Variants in TTC7A observed in about 807,000 individuals in gnomAD.
TTC7A encodes the protein tetratricopeptide repeat domain 7A, also known as tetratricopeptide repeat protein 7A.
A neutral mutation model predicts 103.7 loss-of-function variants in TTC7A; 110 were observed. That is an observed-to-expected ratio of 1.06 (90% confidence interval 0.91 to 1.24). TTC7A has a LOEUF of 1.24. Among genes scored for constraint, TTC7A ranks in the 50% most tolerant of loss-of-function variants. The probability of loss-of-function intolerance (pLI) is 0.00; values close to 1 mark genes in which losing one functional copy is unlikely to be tolerated. For synonymous variants in TTC7A, 521 were observed against 467.9 expected, an observed-to-expected ratio of 1.11 and a Z score of -1.47; for missense variants, 1,340 against 1,116.3, an observed-to-expected ratio of 1.20 and a Z score of -2.86.
chr2:46,935,653 A>G (rs13409489), intron 2 of TTC7A, among the ~76,000 whole-genome samples: 5,408 of 152,228 alleles, frequency 0.036, 123 homozygotes, highest in Non-Finnish European at 0.053. Context: ...TCCAACTGAG[A>G]CCTCCTCAAC....
intron 16 of TTC7A, chr2:47,047,443 C>T: frequency 1.4e-6 from 1 of 710,890 alleles, no homozygotes; most frequent in Non-Finnish European, 2.4e-6. Context: ...CAGAAGGAGG[C>T]TCTGGGGTTG....
chr2:47,022,692 C>A (rs190478678), intron 12 of TTC7A, among the ~76,000 whole-genome samples: 3 of 152,146 alleles, frequency 2.0e-5, no homozygotes, highest in Non-Finnish European at 2.9e-5. Flanking sequence ...GTCACGGTGA[C>A]ATCGGGTATA....
Position 46,941,496 on chromosome 2 carries a change from G to T in TTC7A, c.-46G>T. On this transcript the variant is annotated 5_prime_UTR_variant, in exon 1 of 20. Transcript: ENST00000319190. This position sits in a 1 kb window ranked among gnomAD's most constrained non-coding sequence, Gnocchi z 4.2. ...CAGCCAGGACGCCGCCCCCGGCCGG[G>T]TCTCCACTTCTTGGCCGCACCTTCC... 6.5e-7 allele frequency: 1 copy of T among 1,538,516 alleles called. No homozygotes were observed. The highest frequency in any genetic ancestry group is 1.2e-5 in the South Asian group (1 of 82,752).
In TTC7A at chr2:46,956,820, CAT is replaced by C; in HGVS notation, c.349-18_349-17del. 6.2e-7 allele frequency: 1 copy of C among 1,613,614 alleles called. No homozygotes were observed. The highest frequency in any genetic ancestry group is 8.5e-7 in the Non-Finnish European group (1 of 1,179,558). On this transcript the variant is annotated splice_polypyrimidine_tract_variant and intron_variant, in intron 2 of 19. Transcript: ENST00000319190. ...GTAACTTTGGGGCAGGCGCTGGTAA[CAT>C]GTCCTTGTCATTTCAGCCACAGTAC...
At chr2:47,057,072 G>A (rs1292048941) in intron 18 of TTC7A, among the ~76,000 whole-genome samples, 2 of 152,216 alleles carry the variant, frequency 1.3e-5, no homozygotes, top group South Asian at 2.1e-4. Flanking sequence ...TGGATGCGGC[G>A]CCCCAGGGCT....
intron 3 of TTC7A, among the ~76,000 whole-genome samples, chr2:46,973,054 T>C (rs892496799): frequency 2.6e-5 from 4 of 151,050 alleles, no homozygotes; most frequent in African/African-American, 9.7e-5. Flanking sequence ...CTCTTTTTCC[T>C]AGTCATGGGC....
At chr2:47,054,189 G>A (rs1260149800) in intron 18 of TTC7A, 2 of 985,120 alleles carry the variant, frequency 2.0e-6, no homozygotes, top group Non-Finnish European at 2.4e-6. Flanking sequence ...GACCAGTTTG[G>A]GTGCATGTAG....
chr2:47,041,027 C>T (rs1429018802), intron 15 of TTC7A, among the ~76,000 whole-genome samples: 1 of 152,202 alleles, frequency 6.6e-6, no homozygotes, highest in Non-Finnish European at 1.5e-5. Flanking sequence ...CAGAGACTCT[C>T]CTCAGTGATA....
chr2:47,030,790 A>G (rs184620923), intron 15 of TTC7A, among the ~76,000 whole-genome samples: 136 of 152,220 alleles, frequency 8.9e-4, no homozygotes, highest in African/African-American at 3.1e-3. Context: ...CCAACTTGAC[A>G]CAGCCTGTCT....
chr2:47,055,863 G>A (rs559520691), intron 18 of TTC7A, among the ~76,000 whole-genome samples: 3 of 152,130 alleles, frequency 2.0e-5, no homozygotes, highest in Admixed American at 6.5e-5. Context: ...GGGTGTTTAT[G>A]ATGAAGCCAT....
chr2:47,075,367 G>T lies in TTC7A; in HGVS notation c.*1444G>T, dbSNP rs1427124317. 6.6e-6 allele frequency: 1 copy of T among 152,186 alleles called. No individual in the cohort carries two copies. Among genetic ancestry groups the T allele is most frequent in the East Asian group, 1.9e-4 (1 of 5,204 alleles). The allele number at this position is 152,186 out of a possible 1,614,324, so 9.4% of individuals were successfully genotyped here. On this transcript the variant is annotated 3_prime_UTR_variant, in exon 20 of 20. Transcript: ENST00000319190. The stretch of plus-strand genomic sequence containing the variant: ...TCTGGAATTCTGTTAGAAAAGTAAA[G>T]AAAAAGCAAATGCTGTTGGTTTATC...
chr2:46,988,017 T>C (rs990461902), intron 5 of TTC7A, among the ~76,000 whole-genome samples: 5 of 152,120 alleles, frequency 3.3e-5, no homozygotes, highest in African/African-American at 1.2e-4. Flanking sequence ...AGTCAGACTG[T>C]TCTCACAAAT....
Position 47,073,955 on chromosome 2 carries a change from G to T in TTC7A, c.*32G>T. On this transcript the variant is annotated 3_prime_UTR_variant, in exon 20 of 20. Coordinates refer to ENST00000319190, the MANE Select transcript of TTC7A (RefSeq NM_020458.4). ...TGCAGCCGCAGGGAGGGAGGGGCTGGCCAGAGGGAGAGGCAGCAGGGAACG... is the reference window on the plus strand; with the variant it reads ...TGCAGCCGCAGGGAGGGAGGGGCTGTCCAGAGGGAGAGGCAGCAGGGAACG... 1 of 1,577,068 alleles carries T rather than the reference G, an allele frequency of 6.3e-7. No homozygotes were observed. Among genetic ancestry groups the T allele is most frequent in the Admixed American group, 1.7e-5 (1 of 58,376 alleles).
At chr2:47,062,001 T>G (rs1271492932) in intron 19 of TTC7A, among the ~76,000 whole-genome samples, 4 of 152,210 alleles carry the variant, frequency 2.6e-5, no homozygotes, top group African/African-American at 9.6e-5. Flanking sequence ...CCCTGACGTC[T>G]TCTGGCACGT....
intron 3 of TTC7A, among the ~76,000 whole-genome samples, chr2:46,971,960 TAGGG>T (rs1375848891): frequency 5.6e-5 from 6 of 108,064 alleles, no homozygotes; most frequent in African/African-American, 1.8e-4. Flanking sequence ...GGGACGGAGG[TAGGG>T]AGGGAGGGAG....
Position 46,941,485 on chromosome 2 carries a change from C to G in TTC7A, c.-57C>G, listed in dbSNP as rs1406145118. ...CGAGTGCGCCCCAGCCAGGACGCCG[C>G]CCCCGGCCGGGTCTCCACTTCTTGG... On this transcript the variant is annotated 5_prime_UTR_variant, in exon 1 of 20. Coordinates refer to ENST00000319190, the MANE Select transcript of TTC7A (RefSeq NM_020458.4). This position sits in a 1 kb window ranked among gnomAD's most constrained non-coding sequence, Gnocchi z 4.2. 6.6e-7 allele frequency: 1 copy of G among 1,521,090 alleles called. No homozygotes were observed. The highest frequency in any genetic ancestry group is 8.8e-7 in the Non-Finnish European group (1 of 1,132,412). 94.2% of individuals were successfully genotyped at this position (1,521,090 alleles called of 1,614,324 possible). A position where few individuals can be genotyped will look rare whatever the true frequency, so the allele number is the denominator to read the frequency against.
chr2:47,063,086 G>T (rs534341635), intron 19 of TTC7A, among the ~76,000 whole-genome samples: 3 of 152,236 alleles, frequency 2.0e-5, no homozygotes, highest in African/African-American at 7.2e-5. Context: ...TTAGTGAGTC[G>T]ATCTCAAGTG....
chr2:47,051,754 C>T lies in TTC7A; in HGVS notation c.2026C>T (p.Arg676Trp), dbSNP rs760379792. 8.1e-6 allele frequency: 13 copies of T among 1,609,564 alleles called. No individual in the cohort carries two copies. Among genetic ancestry groups the T allele is most frequent in the Non-Finnish European group, 1.1e-5 (13 of 1,178,792 alleles). ...GCCCTCTTGCTCTGCAGGCTCCCGG[C>T]GGGCTTCGTCCATCGCCGCCTCCCG... The part of the protein sequence containing the change: ...DAHDADSGSR[R>W]ASSIAASRLE... Residue 676 changes from arginine to tryptophan, a missense_variant, in exon 18 of 20, where the codon CGG becomes TGG. Arg to Trp is a moderately radical substitution (Grantham distance 101). Coordinates refer to ENST00000319190, the MANE Select transcript of TTC7A (RefSeq NM_020458.4).
rs748728821 is a variant in TTC7A, at chr2:47,046,301, C to G, written c.1803-14C>G. The stretch of plus-strand genomic sequence containing the variant: ...TTGCTGGGGTGTGCTGATGGCCACT[C>G]TCCGTCCCCACAGCCTGATGTTCAC... On this transcript the variant is annotated splice_polypyrimidine_tract_variant and intron_variant, in intron 15 of 19. Coordinates refer to ENST00000319190, the MANE Select transcript of TTC7A (RefSeq NM_020458.4). The G allele has an allele frequency of 3.1e-6, 5 of 1,609,776 alleles. No individual in the cohort carries two copies. The highest frequency in any genetic ancestry group is 4.2e-6 in the Non-Finnish European group (5 of 1,176,752).
Sources: gnomAD v4.1 joint callset for allele counts (sites outside exome capture counted in the v4.1 genomes callset) on GRCh38, gnomAD v4.1.1 for gene constraint, Gnocchi (gnomAD v3.1) non-coding constraint, MANE v1.5 for transcripts, NCBI Gene and HGNC (gene_info 2026-07-23, HGNC 2026-07-21) for gene names.